GLRX5: variants seen among roughly 807,000 people sequenced by gnomAD.
GLRX5 encodes the protein glutaredoxin-related protein 5, mitochondrial.
A neutral mutation model predicts 13.8 loss-of-function variants in GLRX5; 10 were observed. The ratio of observed to expected loss-of-function variants is 0.72; its 90% CI spans 0.45 to 1.23. GLRX5 has a LOEUF of 1.23. Ranked by LOEUF, GLRX5 falls within the 50% of genes most tolerant of loss-of-function variation. GLRX5 has a pLI of 0.00. For synonymous variants in GLRX5, 98 were observed against 101.1 expected, an observed-to-expected ratio of 0.97 and a Z score of 0.18; for missense variants, 233 against 215.2, an observed-to-expected ratio of 1.08 and a Z score of -0.52.
chr14:95,543,997 G>A lies in GLRX5; in HGVS notation c.346G>A (p.Gly116Ser), dbSNP rs758443007. 3 of 1,614,098 alleles carry A rather than the reference G, an allele frequency of 1.9e-6. No individual in the cohort carries two copies. The highest frequency in any genetic ancestry group is 2.2e-5 in the South Asian group (2 of 91,084). ...CACCATCCCGCAAGTGTACCTCAAT[G>A]GCGAGTTTGTAGGGGGCTGTGACAT... is the stretch of plus-strand genomic sequence containing the variant. Reference protein sequence around the residue: ...WPTIPQVYLNGEFVGGCDILL... With the variant: ...WPTIPQVYLNSEFVGGCDILL... The change falls in exon 2 of 2, where the codon GGC (glycine) becomes AGC (serine). Residue 116 changes from glycine to serine, a missense_variant. Gly to Ser is a moderately conservative substitution (Grantham distance 56, BLOSUM62 0). Coordinates refer to ENST00000331334, the MANE Select transcript of GLRX5 (RefSeq NM_016417.3).
intron 1 of GLRX5, among the ~76,000 whole-genome samples, chr14:95,536,237 G>A (rs746724509): frequency 6.6e-5 from 10 of 152,200 alleles, no homozygotes; most frequent in Non-Finnish European, 1.2e-4. Context: ...AGTACTCCAC[G>A]TGCATTCGCC....
At chr14:95,539,698 T>G (rs529103361) in intron 1 of GLRX5, among the ~76,000 whole-genome samples, 1 of 152,262 alleles carries the variant, frequency 6.6e-6, no homozygotes, top group South Asian at 2.1e-4. Context: ...TAAATCCTGG[T>G]TTCACTGCGC....
Position 95,539,556 on chromosome 14 carries a change from A to G in GLRX5, c.295+4172A>G, listed in dbSNP as rs1164488845. 2.0e-5 allele frequency among the ~76,000 whole-genome samples: 3 copies of G among 152,352 alleles called. No homozygotes were observed. The South Asian group carries it at 6.2e-4, about 32-fold the overall frequency. Reference sequence around the variant, plus strand: ...TAAAACAGTCCCATATATTGCAGATATGTGTGCAGTGCACTTGTAGCTCCT... The same window carrying G: ...TAAAACAGTCCCATATATTGCAGATGTGTGTGCAGTGCACTTGTAGCTCCT... On this transcript the variant is annotated intron_variant, in intron 1 of 1. Transcript: ENST00000331334.
At chr14:95,536,221 T>C (rs993784176) in intron 1 of GLRX5, among the ~76,000 whole-genome samples, 11 of 152,186 alleles carry the variant, frequency 7.2e-5, no homozygotes, top group Non-Finnish European at 1.3e-4. Flanking sequence ...ATAAGCATCT[T>C]TTCCAAGTAC....
At chr14:95,540,459 T>C (rs112975483) in intron 1 of GLRX5, among the ~76,000 whole-genome samples, 1 of 152,140 alleles carries the variant, frequency 6.6e-6, no homozygotes, top group Non-Finnish European at 1.5e-5. Context: ...GCTAAAAGAT[T>C]AACAGATTTG....
intron 1 of GLRX5, among the ~76,000 whole-genome samples, chr14:95,542,763 A>G (rs1440621624): frequency 6.6e-6 from 1 of 152,244 alleles, no homozygotes; most frequent in African/African-American, 2.4e-5. Flanking sequence ...AAAGTGTCAC[A>G]TAAGTGTTAG....
intron 1 of GLRX5, chr14:95,542,913 A>C (rs1891494276): frequency 2.5e-6 from 1 of 401,538 alleles, no homozygotes; most frequent in African/African-American, 2.0e-5. Flanking sequence ...AGGAATGTTA[A>C]GAGTAATCTT....
At chr14:95,541,691 A>C (rs969262533) in intron 1 of GLRX5, among the ~76,000 whole-genome samples, 6 of 152,246 alleles carry the variant, frequency 3.9e-5, no homozygotes, top group African/African-American at 1.4e-4. Flanking sequence ...CATATGATCA[A>C]CAGCAACATA....
At position 95,543,073 on chromosome 14, in the gene GLRX5, A is replaced by G. The variant is rs527725829; in HGVS notation, c.296-874A>G. The G allele has an allele frequency of 5.7e-5, 26 of 456,094 alleles. No individual in the cohort carries two copies. In the Admixed American group the frequency reaches 6.1e-4, roughly 11 times the overall value. 28.3% of individuals were successfully genotyped at this position (456,094 alleles called of 1,614,324 possible). A position where few individuals can be genotyped will look rare whatever the true frequency, so the allele number is the denominator to read the frequency against. On this transcript the variant is annotated intron_variant, in intron 1 of 1. Coordinates refer to ENST00000331334, the MANE Select transcript of GLRX5 (RefSeq NM_016417.3). ...TGTGTCCTCAGAGCCATTTGCACACAGGACTGATCACATGCATGCTGGTTG... is the reference window on the plus strand; with the variant it reads ...TGTGTCCTCAGAGCCATTTGCACACGGGACTGATCACATGCATGCTGGTTG...
intron 1 of GLRX5, among the ~76,000 whole-genome samples, chr14:95,542,434 A>G (rs764891501): frequency 9.9e-5 from 15 of 152,220 alleles, no homozygotes; most frequent in Non-Finnish European, 1.8e-4. Flanking sequence ...GAGAAGGAAG[A>G]TAAAGCCCTT....
intron 1 of GLRX5, chr14:95,543,663 T>TGA (rs1891509590): frequency 2.9e-6 from 1 of 339,894 alleles, no homozygotes; most frequent in Non-Finnish European, 5.4e-6. Flanking sequence ...TACCTAATTC[T>TGA]CACAAAAAAA....
In GLRX5 at chr14:95,543,932, G is replaced by A; in HGVS notation, c.296-15G>A. On this transcript the variant is annotated splice_polypyrimidine_tract_variant and intron_variant, in intron 1 of 1. Coordinates refer to ENST00000331334, the MANE Select transcript of GLRX5 (RefSeq NM_016417.3). ...TTTACCATTTAAATAACAAATAAAT[G>A]TTCTTTCTCCATAGGCATTAAAGAC... 1 of 1,605,502 alleles carries A rather than the reference G, an allele frequency of 6.2e-7. No homozygotes were observed.
In GLRX5 at chr14:95,535,328, A is replaced by T; in HGVS notation, c.239A>T (p.His80Leu). 1 of 1,554,792 alleles carries T rather than the reference A, an allele frequency of 6.4e-7. No homozygotes were observed. Among genetic ancestry groups the T allele is most frequent in the Non-Finnish European group, 8.7e-7 (1 of 1,149,458 alleles). ...SNAVVQILRL[H>L]GVRDYAAYNV... ...GCCGTGGTGCAGATCCTGCGGCTGC[A>T]CGGCGTCCGCGATTACGCGGCCTAC... The change falls in exon 1 of 2, where the codon CAC becomes CTC. Residue 80 changes from histidine to leucine, a missense_variant. His to Leu is a moderately conservative substitution (Grantham distance 99, BLOSUM62 -3). Coordinates refer to ENST00000331334, the MANE Select transcript of GLRX5 (RefSeq NM_016417.3).
chr14:95,542,055 G>A (rs569549629), intron 1 of GLRX5, among the ~76,000 whole-genome samples: 19 of 152,214 alleles, frequency 1.2e-4, no homozygotes, highest in African/African-American at 2.4e-4. Flanking sequence ...CTTAATTCTC[G>A]CACCCAGCTC....
In GLRX5 at chr14:95,544,091, T is replaced by G; in HGVS notation, c.440T>G (p.Leu147Arg). ...ELKKLGIHSA[L>R]LDEKKDQDSK Reference sequence around the variant, plus strand: ...AAAAAGCTGGGGATCCACTCCGCCCTTTTAGATGAAAAGAAAGACCAAGAC... The same window carrying G: ...AAAAAGCTGGGGATCCACTCCGCCCGTTTAGATGAAAAGAAAGACCAAGAC... Residue 147 changes from leucine (L) to arginine (R), a missense_variant, in exon 2 of 2, where the codon CTT (leucine) becomes CGT (arginine). Coordinates refer to ENST00000331334, the MANE Select transcript of GLRX5 (RefSeq NM_016417.3). The G allele has an allele frequency of 6.2e-7, 1 of 1,613,986 alleles. No individual in the cohort carries two copies. Among genetic ancestry groups the G allele is most frequent in the Non-Finnish European group, 8.5e-7 (1 of 1,179,880 alleles).
At position 95,535,135 on chromosome 14, in the gene GLRX5, G is replaced by C; in HGVS notation, c.46G>C (p.Gly16Arg). 3.2e-6 allele frequency: 4 copies of C among 1,241,392 alleles called. No homozygotes were observed. The highest frequency in any genetic ancestry group is 4.1e-6 in the Non-Finnish European group (4 of 987,352). 76.9% of individuals were successfully genotyped at this position (1,241,392 alleles called of 1,614,324 possible). ...AGCTGCGGCGGCTCTGCTCCGCTGGGGGCGCGGCGCGGGCGGCGGTGGCCT... is the reference window on the plus strand; with the variant it reads ...AGCTGCGGCGGCTCTGCTCCGCTGGCGGCGCGGCGCGGGCGGCGGTGGCCT... ...GRAAAALLRW[G>R]RGAGGGGLWG... The change falls in exon 1 of 2, where the codon GGG becomes CGG. Residue 16 changes from glycine to arginine, a missense_variant. Transcript: ENST00000331334.
At chr14:95,541,809 A>G (rs1209471374) in intron 1 of GLRX5, among the ~76,000 whole-genome samples, 1 of 152,202 alleles carries the variant, frequency 6.6e-6, no homozygotes, top group Non-Finnish European at 1.5e-5. Flanking sequence ...TGGGTAAAAC[A>G]TGTAGTTTTG....
intron 1 of GLRX5, among the ~76,000 whole-genome samples, chr14:95,537,628 C>T (rs1176965688): frequency 6.6e-6 from 1 of 152,190 alleles, no homozygotes; most frequent in Non-Finnish European, 1.5e-5. Context: ...TTTTGCCAGC[C>T]GAAACTATGT....
rs773872003 is a variant in GLRX5, at chr14:95,544,056, G to C, written c.405G>C (p.Val135=). ...AGATGCACCAGAATGGGGACTTGGT[G>C]GAAGAACTGAAAAAGCTGGGGATCC... The part of the protein sequence containing the change: ...LLQMHQNGDL[V]EELKKLGIHS... Residue 135 remains valine, a synonymous_variant, in exon 2 of 2, where the codon GTG becomes GTC. Coordinates refer to ENST00000331334, the MANE Select transcript of GLRX5 (RefSeq NM_016417.3). The C allele has an allele frequency of 1.2e-6, 2 of 1,613,970 alleles. No homozygotes were observed. The highest frequency in any genetic ancestry group is 1.7e-5 in the Admixed American group (1 of 60,008).
Sources: allele counts gnomAD v4.1 joint callset (sites outside exome capture counted in the v4.1 genomes callset), GRCh38; gene constraint gnomAD v4.1.1; transcripts MANE v1.5; gene names NCBI Gene and HGNC (gene_info 2026-07-23, HGNC 2026-07-21).